The following CNTRL variants were observed in gnomAD, a reference collection of about 807,000 sequenced individuals.
CNTRL encodes 110 kDa centrosomal protein.
In CNTRL, 233 loss-of-function variants were observed where a neutral mutation model predicts 303.7. The ratio of observed to expected loss-of-function variants is 0.77; its 90% CI spans 0.69 to 0.86. The LOEUF (loss-of-function observed/expected upper bound fraction) is 0.86, where lower values mean the gene tolerates loss of function less well. Among genes scored for constraint, CNTRL ranks in the 40% least tolerant of loss-of-function variants. CNTRL has a pLI of 0.00. For synonymous variants in CNTRL, 900 were observed against 922.2 expected (o/e 0.98, Z 0.44); for missense variants, 2,524 against 2,650.6 (o/e 0.95, Z 1.05).
Position 121,157,591 on chromosome 9 carries a change from A to G in CNTRL, c.4487A>G (p.Gln1496Arg), listed in dbSNP as rs550542967. Residue 1496 changes from glutamine (Q) to arginine (R), a missense_variant, in exon 28 of 44, where the codon CAG (glutamine) becomes CGG (arginine). By Grantham distance (43) the Gln-to-Arg change is conservative. Coordinates refer to ENST00000373855, the MANE Select transcript of CNTRL (RefSeq NM_007018.6). ...GCTGTTAACCTCGTCAAAGCTGATC[A>G]GCAGCTAAGGTAGGTGGATTCCCTA... ...ETAVNLVKAD[Q>R]QLRSLQADAK... is the part of the protein sequence containing the mutation. The G allele has an allele frequency of 6.2e-7, 1 of 1,614,048 alleles. No individual in the cohort carries two copies. The highest frequency in any genetic ancestry group is 1.3e-5 in the African/African-American group (1 of 75,060).
chr9:121,168,834 T>C (rs1766572402), intron 38 of CNTRL, among the ~76,000 whole-genome samples: 1 of 152,296 alleles, frequency 6.6e-6, no homozygotes, highest in African/African-American at 2.4e-5. Flanking sequence ...GTTTTTCTCT[T>C]TCTTAGGCTC....
intron 2 of CNTRL, among the ~76,000 whole-genome samples, chr9:121,087,600 A>G (rs2048397111): frequency 6.6e-6 from 1 of 152,148 alleles, no homozygotes; most frequent in Non-Finnish European, 1.5e-5. Flanking sequence ...TCGAGGCAGA[A>G]GAATAGCTTG....
At chr9:121,083,612 TA>T (rs1258535291) in intron 2 of CNTRL, among the ~76,000 whole-genome samples, 1 of 152,184 alleles carries the variant, frequency 6.6e-6, no homozygotes, top group Non-Finnish European at 1.5e-5. Context: ...AACTATTTTT[TA>T]AAAAATAAAT....
intron 4 of CNTRL, among the ~76,000 whole-genome samples, chr9:121,094,488 C>T (rs920089788): frequency 1.3e-5 from 2 of 152,150 alleles, no homozygotes; most frequent in Non-Finnish European, 2.9e-5. Context: ...TCTCGCCTCT[C>T]AGAACTGTCA....
rs2049556884 is a variant in CNTRL at position 121,107,917 on chromosome 9, AT to A, written c.925del (p.Ser309HisfsTer2). The A allele has an allele frequency of 6.2e-7, 1 of 1,611,232 alleles. No individual in the cohort carries two copies. The highest frequency in any genetic ancestry group is 2.2e-5 in the East Asian group (1 of 44,742). On this transcript the variant is annotated frameshift_variant, in exon 8 of 44. Transcript: ENST00000373855. LOFTEE classifies it high-confidence loss of function. ...EIKNQDKLNKSLKEEAMLQKQ... is the reference protein window; with the variant it reads ...EIKNQDKLNKXLKEEAMLQKQ... ...TTAAAAATCAAGATAAATTGAATAA[AT>A]CATTAAAAGAGGAGGCCATGTTACA...
chr9:121,136,144 A>C (rs1439136755), intron 15 of CNTRL, among the ~76,000 whole-genome samples, 162 bp downstream of exon 15: 1 of 152,160 alleles, frequency 6.6e-6, no homozygotes, highest in African/African-American at 2.4e-5. Flanking sequence ...GTGAGTGCTA[A>C]TAACTACCCC....
intron 27 of CNTRL, 88 bp downstream of exon 27, chr9:121,155,001 G>T (rs1183551146): frequency 8.5e-7 from 1 of 1,172,190 alleles, no homozygotes; most frequent in African/African-American, 1.5e-5. Context: ...GAATGTGTGT[G>T]ATAAGAGGAC....
At chr9:121,080,894 A>T (rs1443035949) in intron 2 of CNTRL, among the ~76,000 whole-genome samples, 1 of 152,244 alleles carries the variant, frequency 6.6e-6, no homozygotes, top group African/African-American at 2.4e-5. Context: ...TTATTCGATC[A>T]AAGCTTTATG....
chr9:121,086,992 T>A (rs547628391), intron 2 of CNTRL, among the ~76,000 whole-genome samples: 2 of 152,288 alleles, frequency 1.3e-5, no homozygotes, highest in South Asian at 4.1e-4. Context: ...GCTATCTGAC[T>A]GCAATGTAAT....
intron 13 of CNTRL, among the ~76,000 whole-genome samples, chr9:121,125,170 C>CT (rs759688532): frequency 2.0e-3 from 279 of 142,572 alleles, no homozygotes; most frequent in Middle Eastern, 3.5e-3. Flanking sequence ...GTAAATTAAA[C>CT]TTTTTTTTTT....
chr9:121,110,505 C>T (rs1588132696), intron 8 of CNTRL, among the ~76,000 whole-genome samples: 1 of 152,104 alleles, frequency 6.6e-6, no homozygotes, highest in Non-Finnish European at 1.5e-5. Context: ...CTGTTTGCTT[C>T]TTCTTTTAGC....
At chr9:121,156,593 A>C (rs971022653) in intron 27 of CNTRL, among the ~76,000 whole-genome samples, 1 of 152,170 alleles carries the variant, frequency 6.6e-6, no homozygotes, top group African/African-American at 2.4e-5. Context: ...CAAATTTAAC[A>C]TACGGACTCC....
At chr9:121,128,390 G>A (rs970371580) in intron 14 of CNTRL, among the ~76,000 whole-genome samples, 2 of 152,168 alleles carry the variant, frequency 1.3e-5, no homozygotes, top group Admixed American at 6.5e-5. Flanking sequence ...TTTCTCTGAT[G>A]GCCAGTGATG....
At chr9:121,175,247 A>C (rs767322097) in intron 43 of CNTRL, 23 bp downstream of exon 43, 2 of 1,607,788 alleles carry the variant, frequency 1.2e-6, no homozygotes, top group East Asian at 4.5e-5. Context: ...TCTTTTTAAA[A>C]ACAAAACAAT....
At chr9:121,146,041 CT>C in intron 22 of CNTRL, 66 bp from the exon 23 acceptor site, 1 of 1,404,874 alleles carries the variant, frequency 7.1e-7, no homozygotes, top group African/African-American at 1.4e-5. Flanking sequence ...CTTAGAATCT[CT>C]TTTATATTTT....
At chr9:121,094,078 C>T (rs1293037215) in intron 4 of CNTRL, among the ~76,000 whole-genome samples, 3 of 152,004 alleles carry the variant, frequency 2.0e-5, no homozygotes, top group African/African-American at 7.3e-5. Flanking sequence ...CCACTGCACT[C>T]CAGCCTGGCC....
At chr9:121,092,159 T>C (rs955754919) in intron 4 of CNTRL, among the ~76,000 whole-genome samples, 1 of 147,154 alleles carries the variant, frequency 6.8e-6, no homozygotes, top group African/African-American at 2.5e-5. Flanking sequence ...TGCTTATATA[T>C]AAATATATAC....
At chr9:121,114,827 G>C (rs2049903999) in intron 10 of CNTRL, among the ~76,000 whole-genome samples, 1 of 152,168 alleles carries the variant, frequency 6.6e-6, no homozygotes. Context: ...CTAGTGTTGG[G>C]AATAGCCCCT....
rs748770199 is a variant in CNTRL, at chr9:121,175,107, A to C, written c.6837A>C (p.Arg2279Ser). 1.9e-6 allele frequency: 3 copies of C among 1,614,090 alleles called. No individual in the cohort carries two copies. The highest frequency in any genetic ancestry group is 2.5e-6 in the Non-Finnish European group (3 of 1,180,014). Reference sequence around the variant, plus strand: ...AGGGCACTTTACACAGTTTGAGGAGACAAGTAGATGCTTTAGGGGAATTGG... The same window carrying C: ...AGGGCACTTTACACAGTTTGAGGAGCCAAGTAGATGCTTTAGGGGAATTGG... ...QTEGTLHSLRRQVDALGELVT... is the reference protein window; with the variant it reads ...QTEGTLHSLRSQVDALGELVT... Residue 2279 changes from arginine to serine, a missense_variant, in exon 43 of 44, where the codon AGA becomes AGC. Coordinates refer to ENST00000373855, the MANE Select transcript of CNTRL (RefSeq NM_007018.6).
Sources: gnomAD v4.1 joint callset for allele counts (sites outside exome capture counted in the v4.1 genomes callset) on GRCh38, gnomAD v4.1.1 for gene constraint, MANE v1.5 for transcripts, NCBI Gene and HGNC (gene_info 2026-07-23, HGNC 2026-07-21) for gene names.